NSMAF: variants seen among roughly 807,000 people sequenced by gnomAD.
NSMAF encodes the protein neutral sphingomyelinase activation associated factor.
Under a neutral mutation model 134.9 loss-of-function variants are expected in NSMAF, and 90 were observed. The ratio of observed to expected loss-of-function variants is 0.67; its 90% CI spans 0.56 to 0.79. NSMAF has a LOEUF of 0.79. Ranked by LOEUF, NSMAF falls within the 30% of genes least tolerant of loss-of-function variation. The pLI is 0.00. For missense variants in NSMAF, 1,010 were observed against 1,119.0 expected (o/e 0.90, Z 1.39); for synonymous variants, 358 against 389.6 (o/e 0.92, Z 0.96).
In NSMAF at chr8:58,583,697, T is replaced by C. The variant is rs1017709975; in HGVS notation, c.*409A>G. 3 of 229,326 alleles carry C rather than the reference T, an allele frequency of 1.3e-5. No individual in the cohort carries two copies. In the Admixed American group the frequency reaches 1.7e-4, roughly 13 times the overall value. The allele number at this position is 229,326 out of a possible 1,614,324, so 14.2% of individuals were successfully genotyped here. On this transcript the variant is annotated 3_prime_UTR_variant, in exon 31 of 31. Transcript: ENST00000038176. ...AAAACCCGATGGGTGGCAATTGTGA[T>C]AGATTAGGAAGACAAAACAGATTCA...
At chr8:58,640,489 G>T (rs1256457846) in intron 2 of NSMAF, among the ~76,000 whole-genome samples, 1 of 151,962 alleles carries the variant, frequency 6.6e-6, no homozygotes, top group Non-Finnish European at 1.5e-5. Flanking sequence ...ACATATACAT[G>T]CATGTATAAA....
intron 24 of NSMAF, 103 bp downstream of exon 24, chr8:58,590,764 A>G: frequency 8.2e-7 from 1 of 1,221,792 alleles, no homozygotes; most frequent in Middle Eastern, 2.5e-4. Flanking sequence ...CTACACAGGA[A>G]TAAACTCAAT....
At chr8:58,589,194 AAC>A (rs1359660468) in intron 26 of NSMAF, among the ~76,000 whole-genome samples, 2 of 147,864 alleles carry the variant, frequency 1.4e-5, no homozygotes, top group African/African-American at 4.9e-5. Flanking sequence ...TGTAATATAT[AAC>A]AGATATTATA....
chr8:58,630,945 G>A (rs1371303776), intron 6 of NSMAF, among the ~76,000 whole-genome samples: 2 of 152,092 alleles, frequency 1.3e-5, no homozygotes, highest in Admixed American at 1.3e-4. Flanking sequence ...CTTTTAGTAG[G>A]AGTTATCCCT....
intron 9 of NSMAF, among the ~76,000 whole-genome samples, chr8:58,618,346 T>G (rs549380857): frequency 1.3e-5 from 2 of 152,158 alleles, no homozygotes; most frequent in South Asian, 2.1e-4. Flanking sequence ...TATGAAGCTA[T>G]AAGATGATAT....
intron 14 of NSMAF, 28 bp downstream of exon 14, chr8:58,602,030 G>A: frequency 6.3e-7 from 1 of 1,576,406 alleles, no homozygotes; most frequent in South Asian, 1.1e-5. Flanking sequence ...GTGTTGCTTA[G>A]AAACCAAGAA....
chr8:58,637,408 TAA>T, intron 2 of NSMAF: 1 of 456,096 alleles, frequency 2.2e-6, no homozygotes, highest in African/African-American at 2.0e-5. Flanking sequence ...AAGATAGAGG[TAA>T]GAAATACTGT....
intron 24 of NSMAF, 124 bp from the exon 25 acceptor site, chr8:58,590,198 A>T (rs1008374440): frequency 1.3e-6 from 1 of 762,290 alleles, no homozygotes. Flanking sequence ...CTCTCCTCCT[A>T]TTTACGCAGA....
chr8:58,593,821 T>C (rs1806072621), intron 23 of NSMAF, among the ~76,000 whole-genome samples: 1 of 152,250 alleles, frequency 6.6e-6, no homozygotes, highest in African/African-American at 2.4e-5. Context: ...AAATATACAC[T>C]GAATGACAAA....
At position 58,602,172 on chromosome 8, in the gene NSMAF, T is replaced by C. The variant is rs910683567; in HGVS notation, c.1046-35A>G. 11 of 1,520,516 alleles carry C rather than the reference T, an allele frequency of 7.2e-6. 1 individual carries two copies. The South Asian group carries it at 8.0e-5, about 11-fold the overall frequency. The allele number at this position is 1,520,516 out of a possible 1,614,324, so 94.2% of individuals were successfully genotyped here. On this transcript the variant is annotated intron_variant, in intron 13 of 30. Transcript: ENST00000038176. ...TAAATCAATAAATAACTTCAGCTTA[T>C]ACTTAGTACCATTAACCTCCTGAAT...
chr8:58,586,350 A>T, intron 28 of NSMAF, 108 bp downstream of exon 28: 1 of 1,115,118 alleles, frequency 9.0e-7, no homozygotes, highest in Non-Finnish European at 1.3e-6. Context: ...ATCAGCAAAT[A>T]GTGTTTTTCT....
chr8:58,612,273 T>C (rs1806545738), intron 9 of NSMAF, among the ~76,000 whole-genome samples: 1 of 152,152 alleles, frequency 6.6e-6, no homozygotes, highest in Non-Finnish European at 1.5e-5. Context: ...AATATTTGAC[T>C]ATGCCTATGT....
chr8:58,611,914 A>G (rs1423436703), intron 9 of NSMAF, among the ~76,000 whole-genome samples: 1 of 152,196 alleles, frequency 6.6e-6, no homozygotes, highest in Non-Finnish European at 1.5e-5. Flanking sequence ...TCATAGATGC[A>G]TGTTATTCTG....
intron 5 of NSMAF, among the ~76,000 whole-genome samples, chr8:58,633,260 A>G (rs1211055237): frequency 1.3e-5 from 2 of 152,046 alleles, no homozygotes; most frequent in Non-Finnish European, 2.9e-5. Context: ...CCCCAGGAGC[A>G]CTCACACTCC....
intron 2 of NSMAF, among the ~76,000 whole-genome samples, 180 bp downstream of exon 2, chr8:58,642,804 A>T (rs1807365907): frequency 6.6e-6 from 1 of 152,074 alleles, no homozygotes; most frequent in Non-Finnish European, 1.5e-5. Context: ...CATAGCAAAA[A>T]CTCTCCAAAA....
At chr8:58,626,031 T>G (rs781138577) in intron 6 of NSMAF, among the ~76,000 whole-genome samples, 1 of 151,956 alleles carries the variant, frequency 6.6e-6, no homozygotes, top group Non-Finnish European at 1.5e-5. Flanking sequence ...ATGTAGTTTT[T>G]TTATCCGTCA....
chr8:58,629,409 CTCTT>C (rs137945277), intron 6 of NSMAF, among the ~76,000 whole-genome samples: 37,615 of 151,808 alleles, frequency 0.25, 5,194 homozygotes, highest in Non-Finnish European at 0.31. Context: ...TGTTAATATT[CTCTT>C]TGTTAAAATT....
rs147922619 is a variant in NSMAF at position 58,597,953 on chromosome 8, T to C, written c.1586-51A>G. Reference sequence around the variant, plus strand: ...TGAAAGATGTGCTATTTCAATGTAATATACACTGTTTAGAACCTAAACAAT... The same window carrying C: ...TGAAAGATGTGCTATTTCAATGTAACATACACTGTTTAGAACCTAAACAAT... On this transcript the variant is annotated intron_variant, in intron 19 of 30. Transcript: ENST00000038176. The C allele has an allele frequency of 1.9e-3, 2,535 of 1,300,680 alleles. 5 individuals are homozygous for C. The highest frequency in any genetic ancestry group is 2.3e-3 in the Non-Finnish European group (2,079 of 901,064). 80.6% of individuals were successfully genotyped at this position (1,300,680 alleles called of 1,614,324 possible).
At chr8:58,659,507 G>T (rs1807810955) in intron 1 of NSMAF, 66 bp downstream of exon 1, 3 of 1,505,446 alleles carry the variant, frequency 2.0e-6, no homozygotes, top group Non-Finnish European at 2.7e-6. Context: ...CAGATCTCCG[G>T]CCGGCGTCCC....
Sources: allele counts gnomAD v4.1 joint callset (sites outside exome capture counted in the v4.1 genomes callset), GRCh38; gene constraint gnomAD v4.1.1; transcripts MANE v1.5; gene names NCBI Gene and HGNC (gene_info 2026-07-23, HGNC 2026-07-21).